PRIM2: variants seen among roughly 807,000 people sequenced by gnomAD.
The protein encoded by PRIM2 is DNA primase subunit 2.
A neutral mutation model predicts 67.3 loss-of-function variants in PRIM2; 39 were observed. The observed-to-expected ratio is 0.58, with a 90% confidence interval of 0.45 to 0.76. The LOEUF is 0.76. PRIM2 is among the 30% of genes least tolerant of loss of function. PRIM2 has a pLI of 0.00. For missense variants in PRIM2, 398 were observed against 598.7 expected (o/e 0.66, Z 3.50); for synonymous variants, 143 against 198.7 (o/e 0.72, Z 2.36).
chr6:57,414,552 C>T lies in PRIM2; in HGVS notation c.693+32384C>T, dbSNP rs1365433120. ...TTGTTTTCACTGGAATCTTATTAAT[C>T]TTAGGAATTTTTATGTACTTACAAA... On this transcript the variant is annotated intron_variant, in intron 7 of 13. Coordinates refer to ENST00000615550, the MANE Select transcript of PRIM2 (RefSeq NM_000947.5). 3.3e-5 allele frequency among the ~76,000 whole-genome samples: 5 copies of T among 151,962 alleles called. 1 individual carries two copies. The South Asian group carries it at 1.0e-3, about 32-fold the overall frequency.
intron 7 of PRIM2, among the ~76,000 whole-genome samples, chr6:57,492,073 A>G (rs1194556094): frequency 6.6e-6 from 1 of 152,160 alleles, no homozygotes; most frequent in Non-Finnish European, 1.5e-5. Flanking sequence ...CATCTGGTGT[A>G]AACACTTGTG....
At chr6:57,291,717 A>T in the PRIM2 span, among the ~76,000 whole-genome samples, 2 of 152,310 alleles carry the variant, frequency 1.3e-5, no homozygotes, top group South Asian at 2.1e-4. Flanking sequence ...AACATAATCC[A>T]TCACATAAAC....
intron 7 of PRIM2, among the ~76,000 whole-genome samples, chr6:57,402,431 G>A (rs1770745050): frequency 6.6e-6 from 1 of 152,188 alleles, no homozygotes; most frequent in Non-Finnish European, 1.5e-5. Flanking sequence ...AGTGGGGGGA[G>A]CTAAGATGTC....
the PRIM2 span, among the ~76,000 whole-genome samples, chr6:57,303,199 T>C: frequency 6.6e-6 from 1 of 152,150 alleles, no homozygotes; most frequent in African/African-American, 2.4e-5. Flanking sequence ...ACTAATATAA[T>C]TAAAATTGAC....
At chr6:57,522,027 G>A (rs1435777536) in intron 8 of PRIM2, among the ~76,000 whole-genome samples, 316 of 151,592 alleles carry the variant, frequency 2.1e-3, no homozygotes, top group African/African-American at 7.3e-3. Flanking sequence ...CAGCCCCAAA[G>A]CCTCGCAGAT....
chr6:57,384,201 C>G (rs568587142), intron 7 of PRIM2, among the ~76,000 whole-genome samples: 82 of 152,250 alleles, frequency 5.4e-4, no homozygotes, highest in African/African-American at 1.9e-3. Flanking sequence ...TTCTTTGTCC[C>G]TGGGCAGAAG....
chr6:57,541,410 T>C lies in PRIM2; in HGVS notation c.1020+3785T>C, dbSNP rs1775150341. Among the ~76,000 whole-genome samples the C allele has an allele frequency of 1.6e-4, 24 of 152,200 alleles. 1 individual carries two copies. The South Asian group carries it at 5.0e-3, about 32-fold the overall frequency. ...GGCCTATTATGACTTTCTTAATTTT[T>C]TTTTCTCCAATTTACTTTATTGTGA... On this transcript the variant is annotated intron_variant, in intron 10 of 13. Transcript: ENST00000615550.
chr6:57,416,812 G>A (rs551963470), intron 7 of PRIM2, among the ~76,000 whole-genome samples: 1 of 152,074 alleles, frequency 6.6e-6, no homozygotes, highest in South Asian at 2.1e-4. Context: ...CTTTTCTTCT[G>A]CAGCTTCCCC....
At chr6:57,455,460 C>T (rs1772733657) in intron 7 of PRIM2, among the ~76,000 whole-genome samples, 1 of 152,170 alleles carries the variant, frequency 6.6e-6, no homozygotes, top group Non-Finnish European at 1.5e-5. Context: ...CTTTATGATT[C>T]TGGGTGCTCC....
chr6:57,593,333 G>A (rs1228622158), intron 10 of PRIM2, among the ~76,000 whole-genome samples: 2 of 148,022 alleles, frequency 1.4e-5, no homozygotes, highest in Non-Finnish European at 3.0e-5. Flanking sequence ...TGGGAGTTTC[G>A]CTTTTGTCAC....
chr6:57,231,786 A>C, the PRIM2 span, among the ~76,000 whole-genome samples: 1 of 152,250 alleles, frequency 6.6e-6, no homozygotes, highest in South Asian at 2.1e-4. Context: ...CATGTGTAAC[A>C]ATTTTATTTA....
At chr6:57,388,559 C>T (rs1770226007) in intron 7 of PRIM2, among the ~76,000 whole-genome samples, 1 of 151,978 alleles carries the variant, frequency 6.6e-6, no homozygotes, top group African/African-American at 2.4e-5. Context: ...TTTATGGTAA[C>T]CCTATAAGGC....
intron 5 of PRIM2, among the ~76,000 whole-genome samples, chr6:57,362,626 T>C (rs1769238948): frequency 6.6e-6 from 1 of 152,140 alleles, no homozygotes; most frequent in South Asian, 2.1e-4. Flanking sequence ...CAAGTTAAGT[T>C]GAACAGTTTT....
At chr6:57,414,713 G>A (rs1448384197) in intron 7 of PRIM2, among the ~76,000 whole-genome samples, 4 of 152,084 alleles carry the variant, frequency 2.6e-5, no homozygotes, top group African/African-American at 9.7e-5. Flanking sequence ...TTGCCTATCA[G>A]CCTGCTGGAC....
At chr6:57,391,419 C>A (rs1770340531) in intron 7 of PRIM2, among the ~76,000 whole-genome samples, 1 of 151,082 alleles carries the variant, frequency 6.6e-6, no homozygotes, top group Non-Finnish European at 1.5e-5. Flanking sequence ...CTTTTGGTGT[C>A]TTTGTCATGA....
chr6:57,394,586 A>G (rs1437772550), intron 7 of PRIM2, among the ~76,000 whole-genome samples: 2 of 152,104 alleles, frequency 1.3e-5, no homozygotes, highest in East Asian at 1.9e-4. Flanking sequence ...AGGGTTTCCA[A>G]GGTAAACGAT....
the PRIM2 span, among the ~76,000 whole-genome samples, chr6:57,254,608 C>G: frequency 6.6e-6 from 1 of 152,250 alleles, no homozygotes; most frequent in South Asian, 2.1e-4. Context: ...CTTTCCTGGG[C>G]CTTGAAGTGT....
chr6:57,310,936 G>A (rs1308939085), upstream of PRIM2, among the ~76,000 whole-genome samples: 4 of 144,498 alleles, frequency 2.8e-5, no homozygotes, highest in South Asian at 4.5e-4. Flanking sequence ...CCTCCCAAAC[G>A]GGGAGGGGCC....
intron 7 of PRIM2, among the ~76,000 whole-genome samples, chr6:57,464,228 G>A (rs1206703236): frequency 2.6e-4 from 39 of 152,084 alleles, no homozygotes. Context: ...TATTCTGTAA[G>A]CTCCGAGAAT....
Sources: allele counts gnomAD v4.1 joint callset (sites outside exome capture counted in the v4.1 genomes callset), GRCh38; gene constraint gnomAD v4.1.1; transcripts MANE v1.5; gene names NCBI Gene and HGNC (gene_info 2026-07-23, HGNC 2026-07-21).